The following USP43 variants were observed in gnomAD, a reference collection of about 807,000 sequenced individuals.
USP43 encodes ubiquitin carboxyl-terminal hydrolase 43.
A neutral mutation model predicts 90.7 loss-of-function variants in USP43; 33 were observed. The observed-to-expected ratio is 0.36, with a 90% confidence interval of 0.28 to 0.49. The LOEUF (loss-of-function observed/expected upper bound fraction) is 0.49. Ranked by LOEUF, USP43 falls within the 20% of genes least tolerant of loss-of-function variation. The pLI is 0.98. For synonymous variants in USP43, 598 were observed against 615.8 expected (o/e 0.97, Z 0.43); for missense variants, 1,274 against 1,476.4 (o/e 0.86, Z 2.25).
rs1916062680 is a variant in USP43 at position 9,709,472 on chromosome 17, T to C, written c.2012-484T>C. 6.6e-6 allele frequency among the ~76,000 whole-genome samples: 1 copy of C among 152,096 alleles called. No individual in the cohort carries two copies. Among genetic ancestry groups the C allele is most frequent in the Non-Finnish European group, 1.5e-5 (1 of 68,014 alleles). ...GGCTCAGGCCTGTAATCCCAGCACT[T>C]TGGGAAGCCGAGGTGGGTGGATCAT... On this transcript the variant is annotated intron_variant, in intron 12 of 14. Transcript: ENST00000285199. This position sits in a 1 kb window ranked among gnomAD's most constrained non-coding sequence, Gnocchi z 5.0.
chr17:9,645,509 G>C (rs1911299951), upstream of USP43: 1 of 967,646 alleles, frequency 1.0e-6, no homozygotes, highest in African/African-American at 1.7e-5. The surrounding 1 kb of genome is among the most constrained non-coding windows in gnomAD (Gnocchi z 6.8). Context: ...CCTCCGCCCC[G>C]TCCCCGCACA....
rs1574208 is a variant in USP43, at chr17:9,676,038, G to A, written c.834-708G>A. On this transcript the variant is annotated intron_variant, in intron 4 of 14. Coordinates refer to ENST00000285199, the MANE Select transcript of USP43 (RefSeq NM_153210.5). ...CTGCAAGAGTGGGCCTTCATATGCCGGTGGGAAGGGGAAGCAGAGATTTCC... is the reference window on the plus strand; with the variant it reads ...CTGCAAGAGTGGGCCTTCATATGCCAGTGGGAAGGGGAAGCAGAGATTTCC... 3.3e-3 allele frequency among the ~76,000 whole-genome samples: 510 copies of A among 152,256 alleles called. 2 individuals are homozygous for A. The highest frequency in any genetic ancestry group is 0.011 in the African/African-American group (473 of 41,548).
chr17:9,688,159 T>C (rs570081259), intron 8 of USP43, among the ~76,000 whole-genome samples: 2 of 151,150 alleles, frequency 1.3e-5, no homozygotes, highest in Admixed American at 6.6e-5. Flanking sequence ...CTAACTTTTT[T>C]GTATTTTTTA....
chr17:9,652,765 C>G (rs1911964870), intron 1 of USP43, among the ~76,000 whole-genome samples: 1 of 151,938 alleles, frequency 6.6e-6, no homozygotes, highest in African/African-American at 2.4e-5. Flanking sequence ...TGGAAAAAGA[C>G]AAAGAACAAT....
intron 5 of USP43, among the ~76,000 whole-genome samples, chr17:9,678,694 ACC>A (rs1913958283): frequency 6.6e-6 from 1 of 150,986 alleles, no homozygotes; most frequent in African/African-American, 2.4e-5. Context: ...TATGCTATTT[ACC>A]CTGTTTTCCT....
rs555688791 is a variant in USP43, at chr17:9,685,170, C to T, written c.1242-1628C>T. Among the ~76,000 whole-genome samples the T allele has an allele frequency of 3.3e-5, 5 of 152,278 alleles. No homozygotes were observed. The South Asian group carries it at 1.0e-3, about 32-fold the overall frequency. ...GCCCTTGCCTGTCCAGACAGATCAC[C>T]TCATATTTGTGTTCTGCTTTAGCCA... On this transcript the variant is annotated intron_variant, in intron 7 of 14. Transcript: ENST00000285199.
At position 9,693,191 on chromosome 17, in the gene USP43, C is replaced by T. The variant is rs1227097879; in HGVS notation, c.1418C>T (p.Pro473Leu). 7.4e-6 allele frequency: 12 copies of T among 1,613,506 alleles called. No individual in the cohort carries two copies. The highest frequency in any genetic ancestry group is 4.4e-5 in the South Asian group (4 of 90,874). The stretch of plus-strand genomic sequence containing the variant: ...TCTGTGGCCTGCAGCTATTTGTCTC[C>T]GAAGGACAGTCGGCCCCTCTGTCAC... ...GLSVACSYLS[P>L]KDSRPLCHWA... The change falls in exon 9 of 15, where the codon CCG (proline) becomes CTG (leucine). Residue 473 changes from proline (P) to leucine (L), a missense_variant. This residue lies in a region of USP43 where 253 missense variants were observed against 276.0 expected (regional missense o/e 0.92). Coordinates refer to ENST00000285199, the MANE Select transcript of USP43 (RefSeq NM_153210.5).
intron 1 of USP43, among the ~76,000 whole-genome samples, chr17:9,652,232 A>G (rs1911918402): frequency 6.7e-6 from 1 of 149,144 alleles, no homozygotes; most frequent in African/African-American, 2.6e-5. Flanking sequence ...AAAAAAAAGA[A>G]AAGAAAAGAA....
intron 7 of USP43, among the ~76,000 whole-genome samples, chr17:9,683,160 C>T (rs1467449806): frequency 1.3e-5 from 2 of 152,180 alleles, no homozygotes; most frequent in Non-Finnish European, 2.9e-5. Context: ...CATCAGACAT[C>T]AGAGGCCTTC....
At chr17:9,666,445 A>G (rs1913043248) in intron 2 of USP43, among the ~76,000 whole-genome samples, 1 of 152,042 alleles carries the variant, frequency 6.6e-6, no homozygotes, top group Non-Finnish European at 1.5e-5. Context: ...ATGCACACAC[A>G]CTTCTTGTCC....
In USP43 at chr17:9,686,830, G is replaced by C; in HGVS notation, c.1274G>C (p.Arg425Thr). Residue 425 changes from arginine to threonine, a missense_variant, in exon 8 of 15, where the codon AGA becomes ACA. Physicochemically the swap from Arg to Thr is moderately conservative, Grantham distance 71. Coordinates refer to ENST00000285199, the MANE Select transcript of USP43 (RefSeq NM_153210.5). The surrounding 1 kb of genome is among the most constrained non-coding windows in gnomAD (Gnocchi z 5.5). Reference protein sequence around the residue: ...FGPPFLIREDRAVSWAQLQQS... With the variant: ...FGPPFLIREDTAVSWAQLQQS... ...CCACCCTTCCTGATAAGGGAAGACAGAGCTGTTTCCTGGGCCCAGCTCCAG... is the reference window on the plus strand; with the variant it reads ...CCACCCTTCCTGATAAGGGAAGACACAGCTGTTTCCTGGGCCCAGCTCCAG... The C allele has an allele frequency of 6.2e-7, 1 of 1,613,916 alleles. No individual in the cohort carries two copies. The highest frequency in any genetic ancestry group is 8.5e-7 in the Non-Finnish European group (1 of 1,179,864).
chr17:9,717,865 C>T (rs1304004930), intron 14 of USP43, among the ~76,000 whole-genome samples: 1 of 150,824 alleles, frequency 6.6e-6, no homozygotes, highest in Non-Finnish European at 1.5e-5. Context: ...GGGGCGATCT[C>T]AGCTCACTGC....
chr17:9,695,992 T>C (rs2151984988), intron 9 of USP43, among the ~76,000 whole-genome samples: 1 of 152,318 alleles, frequency 6.6e-6, no homozygotes, highest in East Asian at 1.9e-4. Context: ...ATTGTATGTA[T>C]ACACCACCTA....
At chr17:9,694,326 G>A (rs1239196887) in intron 9 of USP43, among the ~76,000 whole-genome samples, 3 of 152,108 alleles carry the variant, frequency 2.0e-5, no homozygotes, top group Non-Finnish European at 4.4e-5. Flanking sequence ...GCTTTACAGA[G>A]TTAGGAAGGC....
intron 8 of USP43, among the ~76,000 whole-genome samples, chr17:9,689,669 C>T (rs1914811682): frequency 6.6e-6 from 1 of 152,180 alleles, no homozygotes; most frequent in African/African-American, 2.4e-5. Context: ...CCACATTGGC[C>T]TCCCGAAGTG....
intron 1 of USP43, among the ~76,000 whole-genome samples, chr17:9,652,223 AAAAAAAG>A (rs1480130525): frequency 1.3e-5 from 2 of 151,338 alleles, no homozygotes; most frequent in African/African-American, 4.9e-5. Flanking sequence ...AAAAAAAAAA[AAAAAAAG>A]AAAAGAAAAG....
At chr17:9,661,675 G>T (rs1047542221) in intron 2 of USP43, among the ~76,000 whole-genome samples, 4 of 152,148 alleles carry the variant, frequency 2.6e-5, no homozygotes, top group African/African-American at 9.7e-5. Context: ...TGATTTTAAT[G>T]GTAGTTCCAT....
rs372907361 is a variant in USP43, at chr17:9,728,168, G to T, written c.2550G>T (p.Val850=). ...RRPRSTSQSI[V]SLLTGTAGED... is the part of the protein sequence containing the mutation. ...CTCGGTCCACGAGCCAGTCCATTGTGTCGCTGTTGACGGGCACTGCGGGTG... is the reference window on the plus strand; with the variant it reads ...CTCGGTCCACGAGCCAGTCCATTGTTTCGCTGTTGACGGGCACTGCGGGTG... The change falls in exon 15 of 15, where the codon GTG becomes GTT. Residue 850 remains valine (V), a synonymous_variant. Coordinates refer to ENST00000285199, the MANE Select transcript of USP43 (RefSeq NM_153210.5). This position sits in a 1 kb window ranked among gnomAD's most constrained non-coding sequence, Gnocchi z 6.2. The T allele has an allele frequency of 7.4e-6, 12 of 1,613,872 alleles. No individual in the cohort carries two copies. The highest frequency in any genetic ancestry group is 1.3e-5 in the African/African-American group (1 of 74,940).
Position 9,686,114 on chromosome 17 carries a change from A to G in USP43, c.1242-684A>G, listed in dbSNP as rs1914585447. Reference sequence around the variant, plus strand: ...AACATAATGTCCTCCAGCCTCATCCATCTTGCCGCAAACAACAGGATTTCA... The same window carrying G: ...AACATAATGTCCTCCAGCCTCATCCGTCTTGCCGCAAACAACAGGATTTCA... On this transcript the variant is annotated intron_variant, in intron 7 of 14. Coordinates refer to ENST00000285199, the MANE Select transcript of USP43 (RefSeq NM_153210.5). The surrounding 1 kb of genome is among the most constrained non-coding windows in gnomAD (Gnocchi z 5.5). Among the ~76,000 whole-genome samples the G allele has an allele frequency of 6.6e-6, 1 of 152,180 alleles. No homozygotes were observed. The highest frequency in any genetic ancestry group is 3.2e-3 in the Middle Eastern group (1 of 316).
Sources: allele counts gnomAD v4.1 joint callset (sites outside exome capture counted in the v4.1 genomes callset), GRCh38; gene constraint gnomAD v4.1.1; regional missense constraint gnomAD v4.1.1; non-coding constraint Gnocchi (gnomAD v3.1); transcripts MANE v1.5; gene names NCBI Gene and HGNC (gene_info 2026-07-23, HGNC 2026-07-21).